Variants in SYT14 observed in about 807,000 individuals in gnomAD.
SYT14 encodes synaptotagmin-14.
In SYT14, 32 loss-of-function variants were observed where a neutral mutation model predicts 74.2. That is an observed-to-expected ratio of 0.43 (90% CI 0.33 to 0.58). The LOEUF is 0.58. Among genes scored for constraint, SYT14 ranks in the 20% least tolerant of loss-of-function variants. The pLI, the probability that SYT14 is intolerant of heterozygous loss-of-function variation, is 0.05. For synonymous variants in SYT14, 298 were observed against 337.7 expected (o/e 0.88, Z 1.29); for missense variants, 791 against 981.8 (o/e 0.81, Z 2.60).
chr1:209,986,257 A>G (rs764339974), intron 2 of SYT14, among the ~76,000 whole-genome samples: 1 of 152,152 alleles, frequency 6.6e-6, no homozygotes, highest in East Asian at 1.9e-4. Flanking sequence ...ACATCTGAAC[A>G]TAGGCTGTTA....
intron 2 of SYT14, among the ~76,000 whole-genome samples, chr1:209,972,508 C>T (rs889300897): frequency 5.3e-5 from 8 of 152,028 alleles, no homozygotes; most frequent in African/African-American, 1.7e-4. Context: ...CCTCTTAATA[C>T]TGCTTTTGCT....
intron 4 of SYT14, among the ~76,000 whole-genome samples, chr1:210,019,137 A>AAAAAT (rs1368816305): frequency 6.7e-6 from 1 of 149,138 alleles, no homozygotes; most frequent in Non-Finnish European, 1.5e-5. Context: ...TCCTCAAAAA[A>AAAAAT]AAAAAAAAAA....
At chr1:209,986,529 C>T (rs917060329) in intron 2 of SYT14, among the ~76,000 whole-genome samples, 2 of 151,774 alleles carry the variant, frequency 1.3e-5, no homozygotes, top group Non-Finnish European at 2.9e-5. Flanking sequence ...AGGAGAATGG[C>T]GTGAACCCAG....
chr1:209,973,257 A>T (rs1286018323), intron 2 of SYT14, among the ~76,000 whole-genome samples: 1 of 152,082 alleles, frequency 6.6e-6, no homozygotes, highest in African/African-American at 2.4e-5. Flanking sequence ...CATGTGCACA[A>T]CGTGCAGGTT....
chr1:209,943,508 CAAAAAAAAAAAAAAAA>C (rs58806792), intron 1 of SYT14, among the ~76,000 whole-genome samples: 3 of 59,308 alleles, frequency 5.1e-5, no homozygotes, highest in East Asian at 6.2e-4. Context: ...GATTCAATCT[CAAAAAAAAAAAAAAAA>C]AAAAAAAAAA....
intron 2 of SYT14, among the ~76,000 whole-genome samples, chr1:210,000,770 C>T (rs886675959): frequency 7.3e-5 from 11 of 151,612 alleles, no homozygotes; most frequent in African/African-American, 2.2e-4. Flanking sequence ...CCTGCCACCG[C>T]GCCAGGCTAA....
At chr1:210,133,092 G>GTA (rs2102645972) in intron 7 of SYT14, among the ~76,000 whole-genome samples, 1 of 152,262 alleles carries the variant, frequency 6.6e-6, no homozygotes, top group South Asian at 2.1e-4. Context: ...TCAAAAGGTG[G>GTA]TACCTTCTTT....
At chr1:209,962,031 T>G in intron 2 of SYT14, among the ~76,000 whole-genome samples, 1 of 152,200 alleles carries the variant, frequency 6.6e-6, no homozygotes, top group African/African-American at 2.4e-5. Flanking sequence ...AAAATAATTT[T>G]TCTCTTATTG....
chr1:209,969,296 T>C (rs1487871713), intron 2 of SYT14, among the ~76,000 whole-genome samples: 1 of 152,098 alleles, frequency 6.6e-6, no homozygotes, highest in Non-Finnish European at 1.5e-5. Flanking sequence ...GTAGCTCTGT[T>C]TCAAGTTATC....
chr1:210,152,416 CT>C (rs956329674), intron 7 of SYT14, among the ~76,000 whole-genome samples: 5 of 152,024 alleles, frequency 3.3e-5, no homozygotes, highest in Admixed American at 6.6e-5. Flanking sequence ...CTGTTAGTGT[CT>C]TTTTTTTCTT....
intron 7 of SYT14, among the ~76,000 whole-genome samples, chr1:210,142,210 A>G (rs2082929879): frequency 6.6e-6 from 1 of 152,140 alleles, no homozygotes; most frequent in South Asian, 2.1e-4. Flanking sequence ...AGGCTGTTGG[A>G]TTTCACAGTT....
At chr1:210,058,469 G>C (rs915754890) in intron 5 of SYT14, among the ~76,000 whole-genome samples, 1 of 152,200 alleles carries the variant, frequency 6.6e-6, no homozygotes, top group African/African-American at 2.4e-5. Context: ...GGAGGCAAGA[G>C]TTATAGGGCT....
exon 10 of SYT14, chr1:210,161,217 A>G (rs2083367127): frequency 1.4e-6 from 1 of 734,238 alleles, no homozygotes; most frequent in Non-Finnish European, 2.4e-6. Context: ...AATGAAGAAA[A>G]TATGTGTATC....
chr1:210,067,732 G>A (rs1213286614), intron 5 of SYT14, among the ~76,000 whole-genome samples: 1 of 151,754 alleles, frequency 6.6e-6, no homozygotes, highest in Non-Finnish European at 1.5e-5. Flanking sequence ...TGCATTTTTG[G>A]CAATCTGATA....
At chr1:209,959,821 G>A (rs888360125) in intron 2 of SYT14, among the ~76,000 whole-genome samples, 1 of 152,124 alleles carries the variant, frequency 6.6e-6, no homozygotes, top group Non-Finnish European at 1.5e-5. Context: ...TCTGGGGAGT[G>A]ATGAAAATAT....
intron 2 of SYT14, among the ~76,000 whole-genome samples, chr1:209,973,454 A>T (rs2079296088): frequency 6.6e-6 from 1 of 152,054 alleles, no homozygotes; most frequent in Non-Finnish European, 1.5e-5. Context: ...GAGTGAGAAT[A>T]TGTGATGTTT....
At chr1:210,020,094 C>T (rs1392062937) in intron 4 of SYT14, among the ~76,000 whole-genome samples, 1 of 152,132 alleles carries the variant, frequency 6.6e-6, no homozygotes, top group Admixed American at 6.5e-5. Context: ...GTATATGCCA[C>T]ATGTGTGTGT....
chr1:209,966,102 T>G (rs1427452063), intron 2 of SYT14: 2 of 351,310 alleles, frequency 5.7e-6, no homozygotes, highest in Non-Finnish European at 1.1e-5. Context: ...GATCGCTTGA[T>G]CTCATGATCT....
At chr1:209,968,408 TATC>T (rs1572083564) in intron 2 of SYT14, among the ~76,000 whole-genome samples, 2 of 152,054 alleles carry the variant, frequency 1.3e-5, no homozygotes, top group East Asian at 1.9e-4. Context: ...TATGGAGTAG[TATC>T]ATATGGAGTA....
Sources: allele counts gnomAD v4.1 joint callset (sites outside exome capture counted in the v4.1 genomes callset), GRCh38; gene constraint gnomAD v4.1.1; transcripts MANE v1.5; gene names NCBI Gene and HGNC (gene_info 2026-07-23, HGNC 2026-07-21).